The following MCM8 variants were observed in gnomAD, a reference collection of about 807,000 sequenced individuals.
The protein encoded by MCM8 is DNA helicase MCM8.
MCM8 carries 85 observed loss-of-function variants against 98.9 expected under a neutral mutation model. The observed-to-expected ratio is 0.86, with a 90% CI of 0.72 to 1.03. MCM8 has a LOEUF of 1.03. Among genes scored for constraint, MCM8 ranks in the 50% least tolerant of loss-of-function variants. The pLI is 0.00. For missense variants in MCM8, 951 were observed against 997.8 expected (o/e 0.95, Z 0.63); for synonymous variants, 352 against 338.6 (o/e 1.04, Z -0.44).
intron 12 of MCM8, among the ~76,000 whole-genome samples, chr20:5,975,653 C>A (rs2089495194): frequency 6.6e-6 from 1 of 152,006 alleles, no homozygotes; most frequent in East Asian, 1.9e-4. Context: ...CCCACCACCA[C>A]GCCCGGCTAA....
rs2089971847 is a variant in MCM8 at position 5,997,286 on chromosome 20, G to A, written c.*2895G>A. 1 of 150,660 alleles carries A rather than the reference G, an allele frequency of 6.6e-6. No homozygotes were observed. Among genetic ancestry groups the A allele is most frequent in the African/African-American group, 2.5e-5 (1 of 40,596 alleles). 9.3% of individuals were successfully genotyped at this position (150,660 alleles called of 1,614,324 possible). On this transcript the variant is annotated 3_prime_UTR_variant, in exon 19 of 19. Coordinates refer to ENST00000610722, the MANE Select transcript of MCM8 (RefSeq NM_032485.6). ...CGCAACCTCCGCCTCCTGGGTTCAA[G>A]CGTTTCTCCTGCCTCAGCCTCCCAA...
intron 13 of MCM8, among the ~76,000 whole-genome samples, chr20:5,982,374 G>A (rs1382002558): frequency 1.3e-5 from 2 of 152,094 alleles, no homozygotes; most frequent in South Asian, 2.1e-4. Flanking sequence ...ACTGGTATGG[G>A]GAGAAAGGAA....
In MCM8 at chr20:5,995,333, T is replaced by C. The variant is rs236124; in HGVS notation, c.*942T>C. ...AATTTTGTTTGGCTCACGGAATTAT[T>C]AGAAGGCAGGTGAACCAGGAGGGTA... On this transcript the variant is annotated 3_prime_UTR_variant, in exon 19 of 19. Coordinates refer to ENST00000610722, the MANE Select transcript of MCM8 (RefSeq NM_032485.6). 0.22 allele frequency: 32,860 copies of C among 152,152 alleles called. 4,903 individuals are homozygous for C. Among genetic ancestry groups the C allele is most frequent in the African/African-American group, 0.42 (17,535 of 41,466 alleles). The allele number at this position is 152,152 out of a possible 1,614,324, so 9.4% of individuals were successfully genotyped here.
At chr20:5,953,351 A>C (rs2122641611) in intron 3 of MCM8, among the ~76,000 whole-genome samples, 1 of 152,172 alleles carries the variant, frequency 6.6e-6, no homozygotes, top group East Asian at 1.9e-4. Flanking sequence ...TAGGAATACC[A>C]ATTAACCTAC....
At chr20:5,975,250 C>A (rs376595712) in intron 12 of MCM8, among the ~76,000 whole-genome samples, 2 of 150,148 alleles carry the variant, frequency 1.3e-5, no homozygotes, top group East Asian at 1.9e-4. Context: ...TAGAGCAAGA[C>A]CCTGTCTTTA....
chr20:5,952,674 G>A (rs1054856907), intron 3 of MCM8, 146 bp downstream of exon 3: 5 of 704,924 alleles, frequency 7.1e-6, no homozygotes, highest in African/African-American at 1.8e-5. Context: ...TGATGTTTAT[G>A]TTTCAAAAGC....
At chr20:5,977,683 T>C (rs2089540934) in intron 12 of MCM8, among the ~76,000 whole-genome samples, 193 bp from the exon 13 acceptor site, 1 of 152,206 alleles carries the variant, frequency 6.6e-6, no homozygotes, top group Non-Finnish European at 1.5e-5. Context: ...CCTCATTCAC[T>C]CTTTGTTGGC....
In MCM8 at chr20:5,985,090, C is replaced by CT. The variant is rs200371300; in HGVS notation, c.1953+99dup. The CT allele has an allele frequency of 1.0e-3, 1,035 of 985,958 alleles. 8 individuals carry two copies. The African/African-American group carries it at 0.012, about 11-fold the overall frequency. 61.1% of individuals were successfully genotyped at this position (985,958 alleles called of 1,614,324 possible). On this transcript the variant is annotated intron_variant, in intron 15 of 18. Coordinates refer to ENST00000610722, the MANE Select transcript of MCM8 (RefSeq NM_032485.6). Reference sequence around the variant, plus strand: ...TTATTGTAGAGCAGTAGGATACAAACTTTTTTTTTACCAGAACTTTTTAAT... The same window carrying CT: ...TTATTGTAGAGCAGTAGGATACAAACTTTTTTTTTTACCAGAACTTTTTAAT...
intron 18 of MCM8, 108 bp downstream of exon 18, chr20:5,993,803 C>T (rs1024053712): frequency 3.3e-6 from 3 of 909,728 alleles, no homozygotes; most frequent in Non-Finnish European, 4.8e-6. Context: ...CCTGCTTCTT[C>T]TCAAAGGTTT....
intron 12 of MCM8, among the ~76,000 whole-genome samples, chr20:5,976,845 G>T (rs1347442916): frequency 6.6e-6 from 1 of 152,120 alleles, no homozygotes; most frequent in Non-Finnish European, 1.5e-5. Context: ...AACAAGGTAG[G>T]ATATCACAAG....
rs1279437354 is a variant in MCM8 at position 5,997,175 on chromosome 20, T to G, written c.*2784T>G. 1 of 146,106 alleles carries G rather than the reference T, an allele frequency of 6.8e-6. No homozygotes were observed. Among genetic ancestry groups the G allele is most frequent in the Non-Finnish European group, 1.4e-5 (1 of 71,586 alleles). The allele number at this position is 146,106 out of a possible 1,614,324, so 9.1% of individuals were successfully genotyped here. A position where few individuals can be genotyped will look rare whatever the true frequency, so the allele number is the denominator to read the frequency against. ...ATTACATCATGAAAGTTTCTTTTTT[T>G]TTCTTTTTTCTTTTTTTTTTTTTTT... On this transcript the variant is annotated 3_prime_UTR_variant, in exon 19 of 19. Coordinates refer to ENST00000610722, the MANE Select transcript of MCM8 (RefSeq NM_032485.6).
At chr20:5,969,148 A>T (rs981818060) in intron 10 of MCM8, among the ~76,000 whole-genome samples, 10 of 152,246 alleles carry the variant, frequency 6.6e-5, no homozygotes, top group South Asian at 4.1e-4. Context: ...TGTACTTAAC[A>T]TAACTACTGC....
chr20:5,958,448 C>T, intron 6 of MCM8, 80 bp from the exon 7 acceptor site: 1 of 1,008,444 alleles, frequency 9.9e-7, no homozygotes, highest in Non-Finnish European at 1.5e-6. Flanking sequence ...TTTGAGAATT[C>T]CATAGTTGCT....
chr20:5,987,348 A>G lies in MCM8; in HGVS notation c.2230A>G (p.Met744Val), dbSNP rs1418922052. Residue 744 changes from methionine (M) to valine (V), a missense_variant, in exon 17 of 19, where the codon ATG becomes GTG. Met to Val is a conservative substitution (Grantham distance 21, BLOSUM62 1). Transcript: ENST00000610722. ...AGACGCTGAGGATATAGTGGAAATT[A>G]TGAAATATAGGTAAGATAAAAATTT... ...KEDAEDIVEI[M>V]KYSMLGTYSD... The G allele has an allele frequency of 2.2e-5, 35 of 1,611,582 alleles. No homozygotes were observed. Among genetic ancestry groups the G allele is most frequent in the Non-Finnish European group, 3.0e-5 (35 of 1,179,064 alleles).
rs181247569 is a variant in MCM8, at chr20:5,957,356, T to G, written c.590+127T>G. 2.0e-4 allele frequency: 115 copies of G among 584,944 alleles called. 1 individual carries two copies. The highest frequency in any genetic ancestry group is 1.9e-3 in the African/African-American group (103 of 52,966). 36.2% of individuals were successfully genotyped at this position (584,944 alleles called of 1,614,324 possible). A position where few individuals can be genotyped will look rare whatever the true frequency, so the allele number is the denominator to read the frequency against. On this transcript the variant is annotated intron_variant, in intron 6 of 18. Transcript: ENST00000610722. ...GGACATGAGTTCCTTGCCATCTCAT[T>G]GATCATCACACTGAAATAAACTCAT...
chr20:5,977,878 A>T lies in MCM8; in HGVS notation c.1398A>T (p.Ala466=). ...TCTTAAACTTTTTGTTTCCTTAGGCAGCGTGCAATGTTGCCCCACGTGGCG... is the reference window on the plus strand; with the variant it reads ...TCTTAAACTTTTTGTTTCCTTAGGCTGCGTGCAATGTTGCCCCACGTGGCG... ...PGLGKSQMLQ[A]ACNVAPRGVY... Residue 466 remains alanine, a splice_region_variant and synonymous_variant, in exon 13 of 19, where the codon GCA becomes GCT. Transcript: ENST00000610722. 2 of 1,613,886 alleles carry T rather than the reference A, an allele frequency of 1.2e-6. No individual in the cohort carries two copies. Among genetic ancestry groups the T allele is most frequent in the Non-Finnish European group, 1.7e-6 (2 of 1,179,884 alleles).
intron 17 of MCM8, among the ~76,000 whole-genome samples, chr20:5,989,120 CTTTTT>C (rs1172678780): frequency 3.3e-5 from 4 of 120,316 alleles, no homozygotes; most frequent in African/African-American, 1.5e-4. Context: ...TAGCGCAAGT[CTTTTT>C]TTTTTTTTTT....
chr20:5,974,598 C>T (rs2074057984), intron 12 of MCM8, among the ~76,000 whole-genome samples: 1 of 152,138 alleles, frequency 6.6e-6, no homozygotes, highest in Non-Finnish European at 1.5e-5. Context: ...TTGAAAATAC[C>T]ATAGCCCACT....
In MCM8 at chr20:5,984,760, T is replaced by C. The variant is rs374698410; in HGVS notation, c.1734-21T>C. 1,465 of 1,563,800 alleles carry C rather than the reference T, an allele frequency of 9.4e-4. 27 individuals are homozygous for C. In the South Asian group the frequency reaches 0.016, roughly 17 times the overall value. On this transcript the variant is annotated intron_variant, in intron 14 of 18. Transcript: ENST00000610722. ...CCTTTTGATTCCAATCATTGTTTCT[T>C]CTTTCTTTCATCCTTCATAGAATGG...
Sources: allele counts gnomAD v4.1 joint callset (sites outside exome capture counted in the v4.1 genomes callset), GRCh38; gene constraint gnomAD v4.1.1; transcripts MANE v1.5; gene names NCBI Gene and HGNC (gene_info 2026-07-23, HGNC 2026-07-21).